Variants in NRXN1 observed in about 807,000 individuals in gnomAD.
NRXN1 encodes neurexin 1, also known as neurexin-1.
In NRXN1, 39 loss-of-function variants were observed where a neutral mutation model predicts 150.9. The ratio of observed to expected loss-of-function variants is 0.26; its 90% confidence interval spans 0.20 to 0.34. The LOEUF is 0.34. NRXN1 is among the 10% of genes least tolerant of loss of function. The pLI is 1.00. For missense variants in NRXN1, 1,815 were observed against 1,949.9 expected, an observed-to-expected ratio of 0.93 and a Z score of 1.30; for synonymous variants, 924 against 757.0, an observed-to-expected ratio of 1.22 and a Z score of -3.62.
At chr2:50,541,112 G>A (rs867857197) in intron 9 of NRXN1, among the ~76,000 whole-genome samples, 6 of 152,250 alleles carry the variant, frequency 3.9e-5, no homozygotes, top group Middle Eastern at 3.4e-3. Context: ...TAGGAGACAC[G>A]GAACTTAGCA....
chr2:50,171,538 C>G (rs1315348560), intron 18 of NRXN1, among the ~76,000 whole-genome samples: 1 of 152,014 alleles, frequency 6.6e-6, no homozygotes, highest in East Asian at 1.9e-4. Context: ...GTTACTTCAA[C>G]TGGGTCACTC....
intron 21 of NRXN1, among the ~76,000 whole-genome samples, chr2:49,956,808 G>T (rs1675043137): frequency 6.6e-6 from 1 of 152,144 alleles, no homozygotes; most frequent in African/African-American, 2.4e-5. Flanking sequence ...CAAGGAAGGT[G>T]CCCTGTATAT....
chr2:50,463,202 T>A (rs998355551), intron 17 of NRXN1, among the ~76,000 whole-genome samples: 14 of 151,824 alleles, frequency 9.2e-5, no homozygotes, highest in Non-Finnish European at 2.1e-4. Flanking sequence ...CAGACAAGAT[T>A]TATTTTGATC....
At chr2:50,204,451 C>T (rs1185660659) in intron 18 of NRXN1, among the ~76,000 whole-genome samples, 1 of 151,904 alleles carries the variant, frequency 6.6e-6, no homozygotes, top group Non-Finnish European at 1.5e-5. Context: ...TAGCTATTGG[C>T]TCTGTCAGTT....
chr2:50,540,088 G>T (rs966839657), intron 9 of NRXN1, among the ~76,000 whole-genome samples: 6 of 152,184 alleles, frequency 3.9e-5, no homozygotes, highest in Non-Finnish European at 8.8e-5. Context: ...GGAAGCCACT[G>T]ACAAAGACTG....
chr2:50,657,077 C>G (rs1459946051), intron 5 of NRXN1, among the ~76,000 whole-genome samples: 1 of 152,024 alleles, frequency 6.6e-6, no homozygotes, highest in Non-Finnish European at 1.5e-5. Flanking sequence ...GGTTTCTCGT[C>G]TCTCTCAGAG....
intron 18 of NRXN1, among the ~76,000 whole-genome samples, chr2:50,213,388 G>C (rs913085449): frequency 6.6e-6 from 1 of 151,884 alleles, no homozygotes; most frequent in South Asian, 2.1e-4. Context: ...GAAAAGACAG[G>C]AAAGAAAAAA....
chr2:49,980,889 T>C (rs1253837225), intron 21 of NRXN1, among the ~76,000 whole-genome samples: 2 of 152,068 alleles, frequency 1.3e-5, no homozygotes, highest in Non-Finnish European at 2.9e-5. Context: ...TGAAGTCAGA[T>C]GAAAACCTCC....
chr2:50,829,012 C>T (rs1347564712), intron 5 of NRXN1, among the ~76,000 whole-genome samples: 9 of 152,170 alleles, frequency 5.9e-5, no homozygotes, highest in Non-Finnish European at 1.2e-4. Flanking sequence ...GGATCACTCG[C>T]GGTTAGGAGC....
intron 5 of NRXN1, among the ~76,000 whole-genome samples, chr2:50,705,456 G>A (rs182394965): frequency 1.2e-3 from 186 of 152,208 alleles, no homozygotes; most frequent in Middle Eastern, 6.8e-3. Context: ...CAAGTGCCTG[G>A]TATACAGTAA....
chr2:50,316,230 A>G (rs1034808090), intron 17 of NRXN1, among the ~76,000 whole-genome samples: 5 of 152,028 alleles, frequency 3.3e-5, no homozygotes, highest in Non-Finnish European at 7.4e-5. Flanking sequence ...GATAAAAATG[A>G]GCAGTGGAAG....
At chr2:50,618,271 T>C (rs1679365884) in intron 8 of NRXN1, among the ~76,000 whole-genome samples, 2 of 152,202 alleles carry the variant, frequency 1.3e-5, no homozygotes, top group Non-Finnish European at 1.5e-5. Context: ...CCATACCTGA[T>C]ATGCTTTCTC....
chr2:50,871,676 G>C (rs1574779483), intron 5 of NRXN1, among the ~76,000 whole-genome samples: 1 of 151,720 alleles, frequency 6.6e-6, no homozygotes, highest in Non-Finnish European at 1.5e-5. Context: ...TGGGAGAAAG[G>C]AGAAACTCAA....
At chr2:50,397,532 G>A (rs1052231198) in intron 17 of NRXN1, among the ~76,000 whole-genome samples, 1 of 152,088 alleles carries the variant, frequency 6.6e-6, no homozygotes, top group Non-Finnish European at 1.5e-5. Context: ...TTAAGTCCAT[G>A]TTACAGGTGA....
At chr2:50,106,498 A>T (rs1701664659) in intron 18 of NRXN1, among the ~76,000 whole-genome samples, 1 of 152,022 alleles carries the variant, frequency 6.6e-6, no homozygotes. Context: ...GTAATAACCT[A>T]TGATTAGTTC....
At chr2:50,098,272 T>C (rs1700498716) in intron 18 of NRXN1, among the ~76,000 whole-genome samples, 1 of 152,158 alleles carries the variant, frequency 6.6e-6, no homozygotes, top group African/African-American at 2.4e-5. Flanking sequence ...TTTCTGCTCC[T>C]GGGAAAACTT....
intron 17 of NRXN1, among the ~76,000 whole-genome samples, chr2:50,315,447 A>G (rs1208034461): frequency 1.3e-5 from 2 of 152,156 alleles, no homozygotes; most frequent in Admixed American, 1.3e-4. Flanking sequence ...CATAATCAGC[A>G]GCACTTCAAT....
chr2:50,498,062 GCA>G (rs1006272188), intron 13 of NRXN1, among the ~76,000 whole-genome samples: 2 of 152,070 alleles, frequency 1.3e-5, no homozygotes, highest in African/African-American at 4.8e-5. Context: ...AAGGGAGAGT[GCA>G]CAGAGAGACG....
intron 2 of NRXN1, among the ~76,000 whole-genome samples, chr2:50,939,578 G>A (rs1030303813): frequency 9.9e-5 from 15 of 151,984 alleles, no homozygotes; most frequent in African/African-American, 2.9e-4. Context: ...CTAACAATTT[G>A]CCTTGATAAA....
Sources: allele counts gnomAD v4.1 joint callset (sites outside exome capture counted in the v4.1 genomes callset), GRCh38; gene constraint gnomAD v4.1.1; transcripts MANE v1.5; gene names NCBI Gene and HGNC (gene_info 2026-07-23, HGNC 2026-07-21).